SLCO5A1: variants seen among roughly 807,000 people sequenced by gnomAD.
SLCO5A1 encodes the protein solute carrier organic anion transporter family member 5A1.
In SLCO5A1, 39 loss-of-function variants were observed where a neutral mutation model predicts 65.1. The observed-to-expected ratio is 0.60, with a 90% CI of 0.46 to 0.78. SLCO5A1 has a LOEUF of 0.78. Among genes scored for constraint, SLCO5A1 ranks in the 30% least tolerant of loss-of-function variants. The pLI is 0.00. For synonymous variants in SLCO5A1, 438 were observed against 415.7 expected (o/e 1.05, Z -0.65); for missense variants, 1,029 against 1,069.4 (o/e 0.96, Z 0.53).
intron 6 of SLCO5A1, among the ~76,000 whole-genome samples, chr8:69,693,140 A>G (rs1030897339): frequency 2.0e-5 from 3 of 152,254 alleles, no homozygotes; most frequent in African/African-American, 7.2e-5. Context: ...TGACCATTGT[A>G]TATGTCCATC....
rs569876926 is a variant in SLCO5A1, at chr8:69,776,995, A to G, written c.908-15120T>C. ...AATTGGTACAACCACTTTGGAGAAC[A>G]TTTCAGTAGTGTCTTAAGGAGTCAA... On this transcript the variant is annotated intron_variant, in intron 2 of 9. Coordinates refer to ENST00000260126, the MANE Select transcript of SLCO5A1 (RefSeq NM_030958.3). 9.8e-5 allele frequency among the ~76,000 whole-genome samples: 15 copies of G among 152,346 alleles called. No individual in the cohort carries two copies. In the South Asian group the frequency reaches 3.1e-3, roughly 32 times the overall value.
At chr8:69,723,319 T>A (rs1160590484) in intron 5 of SLCO5A1, among the ~76,000 whole-genome samples, 1 of 152,212 alleles carries the variant, frequency 6.6e-6, no homozygotes, top group Non-Finnish European at 1.5e-5. Context: ...TGGTGCGATC[T>A]TGGCTTACTG....
chr8:69,732,753 G>C (rs1816388933), intron 5 of SLCO5A1, among the ~76,000 whole-genome samples: 1 of 152,082 alleles, frequency 6.6e-6, no homozygotes, highest in South Asian at 2.1e-4. Context: ...GCTAGGCATG[G>C]TGGCGCATGC....
rs770958927 is a variant in SLCO5A1, at chr8:69,832,080, C to T, written c.594G>A (p.Leu198=). ...FGGRGRRPLW[L]AVGGLLIAFG... ...AGGCGATGAGGAGTCCACCCACGGC[C>T]AGCCACAGGGGCCGCCGACCCCGGC... Residue 198 remains leucine (L), a synonymous_variant, in exon 2 of 10, where the codon CTG becomes CTA. Transcript: ENST00000260126. The surrounding 1 kb of genome is among the most constrained non-coding windows in gnomAD (Gnocchi z 4.5). 40 of 1,613,652 alleles carry T rather than the reference C, an allele frequency of 2.5e-5. No homozygotes were observed. Among genetic ancestry groups the T allele is most frequent in the Non-Finnish European group, 3.2e-5 (38 of 1,179,972 alleles).
At chr8:69,678,505 C>T (rs1490455991) in intron 8 of SLCO5A1, among the ~76,000 whole-genome samples, 3 of 152,156 alleles carry the variant, frequency 2.0e-5, no homozygotes, top group Admixed American at 6.5e-5. Context: ...CACACTTACA[C>T]GTAGACAGAT....
At chr8:69,722,342 C>T (rs1815865558) in intron 5 of SLCO5A1, among the ~76,000 whole-genome samples, 1 of 152,074 alleles carries the variant, frequency 6.6e-6, no homozygotes, top group Non-Finnish European at 1.5e-5. Context: ...ATCAATACAA[C>T]AGCTCTATAA....
At chr8:69,723,666 T>C (rs1815935635) in intron 5 of SLCO5A1, among the ~76,000 whole-genome samples, 1 of 152,114 alleles carries the variant, frequency 6.6e-6, no homozygotes, top group Non-Finnish European at 1.5e-5. Flanking sequence ...ACAGGTTTAT[T>C]AACTGATAGA....
chr8:69,756,246 A>G (rs565064533), intron 3 of SLCO5A1, among the ~76,000 whole-genome samples: 1 of 152,246 alleles, frequency 6.6e-6, no homozygotes, highest in South Asian at 2.1e-4. Context: ...CTCTACTAGA[A>G]ATACAAAAAT....
At chr8:69,820,302 C>T (rs1267299335) in intron 2 of SLCO5A1, among the ~76,000 whole-genome samples, 1 of 152,198 alleles carries the variant, frequency 6.6e-6, no homozygotes, top group Non-Finnish European at 1.5e-5. Flanking sequence ...AGCCCAGGGA[C>T]CTGGCAGCAC....
intron 2 of SLCO5A1, among the ~76,000 whole-genome samples, chr8:69,766,757 C>T (rs1818077057): frequency 6.6e-6 from 1 of 152,152 alleles, no homozygotes; most frequent in Non-Finnish European, 1.5e-5. Context: ...TTCCTTTGTC[C>T]ATCTTGTTTA....
chr8:69,701,021 G>C (rs1286573100), intron 6 of SLCO5A1, among the ~76,000 whole-genome samples: 1 of 151,994 alleles, frequency 6.6e-6, no homozygotes, highest in Non-Finnish European at 1.5e-5. Context: ...CAGGATGACA[G>C]CCGGGCAGCC....
At chr8:69,747,359 A>C (rs1448797101) in intron 4 of SLCO5A1, among the ~76,000 whole-genome samples, 1 of 151,888 alleles carries the variant, frequency 6.6e-6, no homozygotes, top group Non-Finnish European at 1.5e-5. Context: ...CTCTATATCC[A>C]TGGATTCTGC....
intron 2 of SLCO5A1, among the ~76,000 whole-genome samples, chr8:69,785,008 AAAG>A (rs998935286): frequency 2.7e-5 from 4 of 150,420 alleles, no homozygotes; most frequent in East Asian, 1.9e-4. Context: ...GAAAGAAAGA[AAAG>A]AAAAGAAAGA....
At chr8:69,803,027 A>G (rs1819819428) in intron 2 of SLCO5A1, among the ~76,000 whole-genome samples, 1 of 152,228 alleles carries the variant, frequency 6.6e-6, no homozygotes, top group Non-Finnish European at 1.5e-5. Context: ...ATCATGTTCT[A>G]TAGAACATAC....
intron 2 of SLCO5A1, among the ~76,000 whole-genome samples, chr8:69,817,154 C>T (rs1449500843): frequency 1.3e-5 from 2 of 152,180 alleles, no homozygotes; most frequent in African/African-American, 4.8e-5. Context: ...ACAACCCCCT[C>T]CCAATTTTCC....
At position 69,679,494 on chromosome 8, in the gene SLCO5A1, A is replaced by C; in HGVS notation, c.1908T>G (p.Ala636=). The C allele has an allele frequency of 6.2e-7, 1 of 1,614,254 alleles. No individual in the cohort carries two copies. Among genetic ancestry groups the C allele is most frequent in the South Asian group, 1.1e-5 (1 of 91,090 alleles). ...VKTYLNENGY[A]VSGKCKRTCN... ...AGGTCCGTTTACATTTCCCAGACAC[A>C]GCATAGCCGTTCTCATTGAGATAAG... The change falls in exon 8 of 10, where the codon GCT becomes GCG. Residue 636 remains alanine (A), a synonymous_variant. Transcript: ENST00000260126.
chr8:69,761,976 T>C lies in SLCO5A1; in HGVS notation c.908-101A>G, dbSNP rs112456522. 148 of 1,425,318 alleles carry C rather than the reference T, an allele frequency of 1.0e-4. 3 individuals carry two copies. The African/African-American group carries it at 1.8e-3, about 17-fold the overall frequency. 88.3% of individuals were successfully genotyped at this position (1,425,318 alleles called of 1,614,324 possible). ...ATACCACAGACATCTCACAGTTCAA[T>C]CCAGTTAACTTCCAAAAACGGAGAC... On this transcript the variant is annotated intron_variant, in intron 2 of 9. Coordinates refer to ENST00000260126, the MANE Select transcript of SLCO5A1 (RefSeq NM_030958.3).
chr8:69,812,679 G>A (rs1820256276), intron 2 of SLCO5A1, among the ~76,000 whole-genome samples: 1 of 152,168 alleles, frequency 6.6e-6, no homozygotes, highest in Admixed American at 6.5e-5. Flanking sequence ...GCAATTTAGA[G>A]TAACACTACC....
At chr8:69,677,579 T>C (rs1047895478) in intron 8 of SLCO5A1, among the ~76,000 whole-genome samples, 4 of 152,142 alleles carry the variant, frequency 2.6e-5, no homozygotes, top group African/African-American at 9.7e-5. Context: ...TTCCCCAATT[T>C]CTTTATTTCT....
Sources: allele counts gnomAD v4.1 joint callset (sites outside exome capture counted in the v4.1 genomes callset), GRCh38; gene constraint gnomAD v4.1.1; non-coding constraint Gnocchi (gnomAD v3.1); transcripts MANE v1.5; gene names NCBI Gene and HGNC (gene_info 2026-07-23, HGNC 2026-07-21).